Variants in OCA2 observed in about 807,000 individuals in gnomAD.
The protein encoded by OCA2 is OCA2 melanosomal transmembrane protein, also known as P protein.
OCA2 carries 77 observed loss-of-function variants against 100.2 expected under a neutral mutation model. That is an observed-to-expected ratio of 0.77 (90% CI 0.64 to 0.93). The LOEUF (loss-of-function observed/expected upper bound fraction) is 0.93, where lower values mean the gene tolerates loss of function less well. OCA2 is among the 40% of genes least tolerant of loss of function. OCA2 has a pLI of 0.00. For missense variants in OCA2, 1,062 were observed against 1,089.1 expected, an observed-to-expected ratio of 0.98 and a Z score of 0.35; for synonymous variants, 432 against 439.2, an observed-to-expected ratio of 0.98 and a Z score of 0.21.
intron 23 of OCA2, among the ~76,000 whole-genome samples, chr15:27,824,627 AAT>A (rs1487872627): frequency 2.3e-5 from 1 of 42,916 alleles, no homozygotes; most frequent in African/African-American, 1.3e-4. Flanking sequence ...TATATAATAT[AAT>A]ATATATATGT....
the OCA2 span, among the ~76,000 whole-genome samples, chr15:27,723,248 CT>C: frequency 1.8e-4 from 28 of 151,926 alleles, no homozygotes; most frequent in Admixed American, 7.9e-4. Context: ...AGAGCAGGAA[CT>C]TTTTTTTCCC....
intron 23 of OCA2, among the ~76,000 whole-genome samples, chr15:27,805,390 C>A (rs2033793089): frequency 6.6e-6 from 1 of 152,376 alleles, no homozygotes; most frequent in African/African-American, 2.4e-5. Flanking sequence ...ACAGGAAAAG[C>A]GGCTGGGTGT....
intron 19 of OCA2, among the ~76,000 whole-genome samples, chr15:27,908,656 G>A (rs527405766): frequency 5.9e-5 from 9 of 152,204 alleles, no homozygotes; most frequent in Admixed American, 3.3e-4. Context: ...TCCATGTGAG[G>A]CTTCCTTCTC....
chr15:27,836,282 G>A (rs879264234), intron 23 of OCA2, among the ~76,000 whole-genome samples: 5 of 152,216 alleles, frequency 3.3e-5, no homozygotes, highest in African/African-American at 4.8e-5. Flanking sequence ...GTGGCTTTAA[G>A]TTTTCCTTCA....
chr15:27,981,070 T>C (rs1195971209), intron 14 of OCA2, among the ~76,000 whole-genome samples: 1 of 152,242 alleles, frequency 6.6e-6, no homozygotes, highest in Non-Finnish European at 1.5e-5. Flanking sequence ...TTTTACTCCA[T>C]TTCATTTTGG....
chr15:27,922,783 A>ATT (rs1213827193), intron 19 of OCA2, among the ~76,000 whole-genome samples: 3 of 137,064 alleles, frequency 2.2e-5, no homozygotes, highest in African/African-American at 8.1e-5. Context: ...ACCCACCATC[A>ATT]TTTTTTTTTT....
intron 17 of OCA2, among the ~76,000 whole-genome samples, chr15:27,954,822 TC>T: frequency 6.6e-6 from 1 of 152,126 alleles, no homozygotes; most frequent in East Asian, 1.9e-4. Context: ...CTTGCCGGTC[TC>T]CCCTCCGCAA....
chr15:28,025,114 C>T (rs774197865), intron 4 of OCA2, among the ~76,000 whole-genome samples: 26 of 152,272 alleles, frequency 1.7e-4, no homozygotes, highest in Non-Finnish European at 3.4e-4. Context: ...CAGAGGAGAA[C>T]AAAGTTAACC....
At chr15:27,889,430 A>C (rs1467645647) in intron 19 of OCA2, among the ~76,000 whole-genome samples, 2 of 152,198 alleles carry the variant, frequency 1.3e-5, no homozygotes, top group Non-Finnish European at 2.9e-5. Context: ...CTGTCTGGAC[A>C]TGAAGAAAGG....
chr15:28,085,953 C>T (rs988229207), intron 1 of OCA2, among the ~76,000 whole-genome samples: 3 of 152,174 alleles, frequency 2.0e-5, no homozygotes, highest in African/African-American at 7.2e-5. Flanking sequence ...TACTGCAGAC[C>T]CACATCCACT....
intron 23 of OCA2, among the ~76,000 whole-genome samples, chr15:27,772,662 G>A (rs902585694): frequency 1.3e-5 from 2 of 152,044 alleles, no homozygotes; most frequent in African/African-American, 4.8e-5. Context: ...CTAACACGGT[G>A]AAACCCCATC....
At chr15:27,828,657 G>A (rs536134090) in intron 23 of OCA2, among the ~76,000 whole-genome samples, 23 of 152,196 alleles carry the variant, frequency 1.5e-4, no homozygotes, top group African/African-American at 4.1e-4. Flanking sequence ...CCCAACCTCC[G>A]AAAATCTGTA....
At chr15:27,981,142 G>T (rs926902036) in intron 14 of OCA2, among the ~76,000 whole-genome samples, 1 of 152,170 alleles carries the variant, frequency 6.6e-6, no homozygotes, top group Non-Finnish European at 1.5e-5. Flanking sequence ...CCCAGCAAGT[G>T]TATTTCTATC....
intron 21 of OCA2, among the ~76,000 whole-genome samples, chr15:27,865,943 G>A (rs1247541403): frequency 6.6e-6 from 1 of 152,188 alleles, no homozygotes; most frequent in Non-Finnish European, 1.5e-5. Flanking sequence ...GGGCCCCTCT[G>A]TAGGCAGGAA....
At chr15:27,753,612 A>G (rs1052571171), downstream of OCA2, among the ~76,000 whole-genome samples, 2 of 151,800 alleles carry the variant, frequency 1.3e-5, no homozygotes, top group Non-Finnish European at 2.9e-5. Context: ...TGGCGGGTGC[A>G]TGTAGTCCCA....
intron 23 of OCA2, among the ~76,000 whole-genome samples, chr15:27,802,368 C>A (rs1330534280): frequency 1.3e-5 from 2 of 152,092 alleles, no homozygotes; most frequent in Admixed American, 6.5e-5. Flanking sequence ...GCAGCTAATT[C>A]TCCCCCTCTC....
At chr15:27,955,446 T>A (rs1348412423) in intron 16 of OCA2, among the ~76,000 whole-genome samples, 1 of 152,126 alleles carries the variant, frequency 6.6e-6, no homozygotes, top group African/African-American at 2.4e-5. Flanking sequence ...AAGGAGTGTG[T>A]GTGAGGAGGT....
intron 14 of OCA2, among the ~76,000 whole-genome samples, chr15:27,978,798 G>A (rs2041052380): frequency 2.0e-5 from 3 of 151,846 alleles, no homozygotes. Flanking sequence ...CGATTCTCCT[G>A]CCTCAGTCTC....
chr15:27,921,227 C>G (rs1900756), intron 19 of OCA2, among the ~76,000 whole-genome samples: 4 of 151,558 alleles, frequency 2.6e-5, no homozygotes, highest in Non-Finnish European at 5.9e-5. Flanking sequence ...TGACTCAATG[C>G]GCATATAGGG....
Sources: allele counts gnomAD v4.1 joint callset (sites outside exome capture counted in the v4.1 genomes callset), GRCh38; gene constraint gnomAD v4.1.1; transcripts MANE v1.5; gene names NCBI Gene and HGNC (gene_info 2026-07-23, HGNC 2026-07-21).